GALNTL6: variants seen among roughly 807,000 people sequenced by gnomAD.
GALNTL6 encodes the protein polypeptide N-acetylgalactosaminyltransferase-like 6.
GALNTL6 carries 46 observed loss-of-function variants against 73.7 expected under a neutral mutation model. That is an observed-to-expected ratio of 0.62 (90% CI 0.49 to 0.80). The LOEUF is 0.80. GALNTL6 is among the 30% of genes least tolerant of loss of function. The pLI is 0.00. For synonymous variants in GALNTL6, 259 were observed against 263.7 expected, an observed-to-expected ratio of 0.98 and a Z score of 0.17; for missense variants, 604 against 755.0, an observed-to-expected ratio of 0.80 and a Z score of 2.34.
chr4:172,952,661 G>A (rs1168835439), intron 10 of GALNTL6, among the ~76,000 whole-genome samples: 1 of 152,040 alleles, frequency 6.6e-6, no homozygotes, highest in Non-Finnish European at 1.5e-5. Context: ...AATTATAGGT[G>A]CACACCACGA....
chr4:172,707,083 G>A (rs549271871), intron 5 of GALNTL6, among the ~76,000 whole-genome samples: 1 of 152,224 alleles, frequency 6.6e-6, no homozygotes, highest in African/African-American at 2.4e-5. Context: ...AGTCCACGGG[G>A]ACTTTTCCAC....
At chr4:172,195,949 T>C (rs1427376261) in intron 2 of GALNTL6, among the ~76,000 whole-genome samples, 1 of 144,324 alleles carries the variant, frequency 6.9e-6, no homozygotes, top group Non-Finnish European at 1.5e-5. Context: ...AGAGCAGAAC[T>C]GAAGGAAACA....
At chr4:172,127,328 A>T (rs951721744) in intron 2 of GALNTL6, among the ~76,000 whole-genome samples, 4 of 152,198 alleles carry the variant, frequency 2.6e-5, no homozygotes, top group African/African-American at 9.6e-5. Context: ...TTGACACCTG[A>T]GTATTGCTAC....
chr4:172,480,704 G>A (rs910198027), intron 5 of GALNTL6, among the ~76,000 whole-genome samples: 19 of 152,148 alleles, frequency 1.2e-4, no homozygotes, highest in African/African-American at 3.9e-4. Context: ...CAGTATTTCT[G>A]GTATCTACTG....
intron 7 of GALNTL6, among the ~76,000 whole-genome samples, chr4:172,874,778 G>A (rs1157820464): frequency 6.6e-6 from 1 of 152,222 alleles, no homozygotes; most frequent in African/African-American, 2.4e-5. Flanking sequence ...AGACTGCATG[G>A]TGGCCCCTGT....
At chr4:172,660,862 G>C (rs79776856) in intron 5 of GALNTL6, among the ~76,000 whole-genome samples, 3,116 of 152,194 alleles carry the variant, frequency 0.02, 96 homozygotes, top group African/African-American at 0.07. Flanking sequence ...AGCCAGCTCT[G>C]GTTGTTTAAA....
chr4:171,957,647 T>TCTAA (rs1319316567), intron 2 of GALNTL6, among the ~76,000 whole-genome samples: 13 of 152,314 alleles, frequency 8.5e-5, no homozygotes, highest in African/African-American at 3.1e-4. Flanking sequence ...AATTAGGAAT[T>TCTAA]CTAACTCTTT....
At chr4:172,663,273 G>A (rs931702110) in intron 5 of GALNTL6, among the ~76,000 whole-genome samples, 1 of 152,164 alleles carries the variant, frequency 6.6e-6, no homozygotes, top group African/African-American at 2.4e-5. Flanking sequence ...AAGAGAGCGA[G>A]CACAGTAGGA....
chr4:172,758,308 G>T (rs1346035970), intron 5 of GALNTL6, among the ~76,000 whole-genome samples: 1 of 152,224 alleles, frequency 6.6e-6, no homozygotes, highest in African/African-American at 2.4e-5. Context: ...GCCAAGGCAG[G>T]TGGATCACCT....
intron 5 of GALNTL6, among the ~76,000 whole-genome samples, chr4:172,394,771 T>TA (rs1273922479): frequency 2.0e-5 from 3 of 152,186 alleles, no homozygotes; most frequent in Middle Eastern, 3.4e-3. Context: ...TTGAGGCAGT[T>TA]ACATTTTCTT....
chr4:172,842,357 A>G (rs370928035), intron 7 of GALNTL6, among the ~76,000 whole-genome samples: 8 of 152,282 alleles, frequency 5.3e-5, no homozygotes, highest in East Asian at 3.9e-4. Flanking sequence ...ATGATCTGGA[A>G]CTTTCTTTTA....
intron 5 of GALNTL6, among the ~76,000 whole-genome samples, chr4:172,410,301 A>T (rs1486405827): frequency 2.0e-5 from 3 of 152,056 alleles, no homozygotes; most frequent in African/African-American, 7.2e-5. Flanking sequence ...CAGTTCAGCA[A>T]TATTAATTAC....
intron 2 of GALNTL6, among the ~76,000 whole-genome samples, chr4:171,888,195 TAAC>T (rs1736657559): frequency 6.6e-6 from 1 of 152,020 alleles, no homozygotes; most frequent in African/African-American, 2.4e-5. Context: ...GAGAATTTAA[TAAC>T]TTTTCCCCCT....
intron 2 of GALNTL6, among the ~76,000 whole-genome samples, chr4:172,115,509 T>C (rs928583524): frequency 1.3e-5 from 2 of 152,130 alleles, no homozygotes; most frequent in Non-Finnish European, 2.9e-5. Flanking sequence ...TGCAATATGG[T>C]TTAAGAATTC....
At chr4:172,115,872 CTGTGAAA>C (rs1280635227) in intron 2 of GALNTL6, among the ~76,000 whole-genome samples, 4 of 151,872 alleles carry the variant, frequency 2.6e-5, no homozygotes, top group Non-Finnish European at 5.9e-5. Flanking sequence ...TATTTTCTTT[CTGTGAAA>C]TGTTTTCTTG....
chr4:172,710,950 T>C (rs1223757939), intron 5 of GALNTL6, among the ~76,000 whole-genome samples: 2 of 152,102 alleles, frequency 1.3e-5, no homozygotes, highest in Admixed American at 6.6e-5. Context: ...CAGGCACTCT[T>C]ATAGGTACTG....
intron 5 of GALNTL6, among the ~76,000 whole-genome samples, chr4:172,691,266 G>A (rs974053018): frequency 2.0e-5 from 3 of 152,100 alleles, no homozygotes; most frequent in Admixed American, 6.5e-5. Context: ...CTGGACAGAG[G>A]GTTCATGGGG....
intron 2 of GALNTL6, among the ~76,000 whole-genome samples, chr4:171,974,319 A>G (rs1739654632): frequency 6.6e-6 from 1 of 152,176 alleles, no homozygotes; most frequent in South Asian, 2.1e-4. Flanking sequence ...TCCAGACACC[A>G]TTACCAATGA....
intron 3 of GALNTL6, among the ~76,000 whole-genome samples, chr4:172,261,611 CT>C (rs1738260716): frequency 6.6e-6 from 1 of 151,052 alleles, no homozygotes; most frequent in Non-Finnish European, 1.5e-5. Context: ...TAGTTCTGCT[CT>C]GATCTTTATT....
Sources: gnomAD v4.1 joint callset for allele counts (sites outside exome capture counted in the v4.1 genomes callset) on GRCh38, gnomAD v4.1.1 for gene constraint, MANE v1.5 for transcripts, NCBI Gene and HGNC (gene_info 2026-07-23, HGNC 2026-07-21) for gene names.